Variants in CDH10 observed in about 807,000 individuals in gnomAD.
CDH10 encodes cadherin 10.
In CDH10, 30 loss-of-function variants were observed where a neutral mutation model predicts 73.1. The observed-to-expected ratio is 0.41, with a 90% CI of 0.31 to 0.56. The LOEUF is 0.56. Ranked by LOEUF, CDH10 falls within the 20% of genes least tolerant of loss-of-function variation. The pLI, the probability that CDH10 is intolerant of heterozygous loss-of-function variation, is 0.27. For missense variants in CDH10, 815 were observed against 973.7 expected (o/e 0.84, Z 2.17); for synonymous variants, 345 against 348.2 (o/e 0.99, Z 0.10).
At chr5:24,641,895 T>A (rs981275548) in intron 1 of CDH10, among the ~76,000 whole-genome samples, 1 of 152,108 alleles carries the variant, frequency 6.6e-6, no homozygotes, top group African/African-American at 2.4e-5. Context: ...ACCTGAAATT[T>A]AGAGATCAAA....
chr5:24,618,343 T>C (rs1164993602), intron 1 of CDH10, among the ~76,000 whole-genome samples: 2 of 152,204 alleles, frequency 1.3e-5, no homozygotes, highest in Non-Finnish European at 2.9e-5. Flanking sequence ...GAGTAAATCA[T>C]GTAAAGGTGA....
chr5:24,609,826 C>T (rs1369977159), intron 1 of CDH10: 1 of 152,224 alleles, frequency 6.6e-6, no homozygotes, highest in East Asian at 1.9e-4. Flanking sequence ...CTCCTAATTC[C>T]CCACTAGCTG....
chr5:24,526,353 A>G (rs1743529915), intron 5 of CDH10, among the ~76,000 whole-genome samples: 1 of 151,930 alleles, frequency 6.6e-6, no homozygotes, highest in African/African-American at 2.4e-5. Flanking sequence ...TTCATCACAG[A>G]CGGAAAATGT....
intron 1 of CDH10, among the ~76,000 whole-genome samples, chr5:24,636,202 A>T (rs1375068702): frequency 3.9e-5 from 6 of 151,940 alleles, no homozygotes; most frequent in Non-Finnish European, 8.8e-5. Flanking sequence ...CAATTGTCCT[A>T]TGATGTAAGT....
rs747664831 is a variant in CDH10 at position 24,635,167 on chromosome 5, G to A, written c.-124+9427C>T. The stretch of plus-strand genomic sequence containing the variant: ...TTTCAGGGACCTCGTCTAGGTAATC[G>A]GTAGTCCACTGACCTTTCAGCTTGT... On this transcript the variant is annotated intron_variant, in intron 1 of 11. Transcript: ENST00000264463. Among the ~76,000 whole-genome samples the A allele has an allele frequency of 4.3e-4, 65 of 151,874 alleles. 1 individual carries two copies. The highest frequency in any genetic ancestry group is 3.4e-3 in the Middle Eastern group (1 of 294).
chr5:24,497,838 T>C (rs569239374), intron 9 of CDH10, among the ~76,000 whole-genome samples: 2 of 152,262 alleles, frequency 1.3e-5, no homozygotes, highest in South Asian at 2.1e-4. Flanking sequence ...TAAACAAAGC[T>C]GATGCAGAAA....
intron 5 of CDH10, among the ~76,000 whole-genome samples, chr5:24,527,352 T>C (rs1743572681): frequency 6.7e-6 from 1 of 148,538 alleles, no homozygotes; most frequent in African/African-American, 2.4e-5. Flanking sequence ...AATATACTTA[T>C]ATTTATACAT....
At chr5:24,535,080 G>T (rs2111875361) in intron 5 of CDH10, 32 bp downstream of exon 5, 28 of 1,490,384 alleles carry the variant, frequency 1.9e-5, no homozygotes, top group East Asian at 5.0e-5. Flanking sequence ...TAAATCTTTT[G>T]CCCGGCAGAA....
At chr5:24,503,921 A>G (rs2111716744) in intron 8 of CDH10, among the ~76,000 whole-genome samples, 1 of 152,308 alleles carries the variant, frequency 6.6e-6, no homozygotes, top group Non-Finnish European at 1.5e-5. Context: ...GCTTGTTCAT[A>G]AGATTAAATG....
intron 2 of CDH10, among the ~76,000 whole-genome samples, chr5:24,563,179 T>C (rs12110021): frequency 0.83 from 125,601 of 151,704 alleles, 52,030 homozygotes; most frequent in East Asian, 0.91. Context: ...CCTTCCTAAA[T>C]TTGAAGATTT....
chr5:24,538,049 A>C (rs570122592), intron 2 of CDH10, among the ~76,000 whole-genome samples: 9 of 151,964 alleles, frequency 5.9e-5, no homozygotes, highest in Admixed American at 5.9e-4. Flanking sequence ...AGATTATTTT[A>C]TTCTTAAATG....
chr5:24,633,759 G>A (rs1747778332), intron 1 of CDH10, among the ~76,000 whole-genome samples: 2 of 151,662 alleles, frequency 1.3e-5, no homozygotes, highest in South Asian at 4.2e-4. Context: ...AACATTAAAT[G>A]GCATTCATTT....
intron 2 of CDH10, among the ~76,000 whole-genome samples, chr5:24,558,179 T>A (rs1744830112): frequency 7.3e-6 from 1 of 137,150 alleles, no homozygotes. Flanking sequence ...ATCCTGTAAA[T>A]AATGTTGAGA....
At chr5:24,500,066 G>A (rs1561124890) in intron 8 of CDH10, among the ~76,000 whole-genome samples, 1 of 152,092 alleles carries the variant, frequency 6.6e-6, no homozygotes. Flanking sequence ...CAACCAACAT[G>A]GGCTGTGGAT....
At chr5:24,585,508 C>T (rs1261902971) in intron 2 of CDH10, among the ~76,000 whole-genome samples, 1 of 152,076 alleles carries the variant, frequency 6.6e-6, no homozygotes, top group Admixed American at 6.5e-5. Context: ...CTGCAACCTC[C>T]GCCTCCCAGG....
At chr5:24,490,221 T>A (rs938081139) in intron 11 of CDH10, among the ~76,000 whole-genome samples, 1 of 152,082 alleles carries the variant, frequency 6.6e-6, no homozygotes, top group Admixed American at 6.6e-5. Context: ...AAATAAATAT[T>A]TATATTATTC....
At position 24,487,637 on chromosome 5, in the gene CDH10, T is replaced by C. The variant is rs2111597256; in HGVS notation, c.*26A>G. On this transcript the variant is annotated 3_prime_UTR_variant, in exon 12 of 12. Coordinates refer to ENST00000264463, the MANE Select transcript of CDH10 (RefSeq NM_006727.5). ...CAGCATGGGTAGAGTTACTTTCTCT[T>C]GTTTGAACAGAACATATATCCTACG... 6.3e-7 allele frequency: 1 copy of C among 1,579,474 alleles called. No individual in the cohort carries two copies. Among genetic ancestry groups the C allele is most frequent in the Non-Finnish European group, 8.6e-7 (1 of 1,161,376 alleles).
chr5:24,536,161 C>A lies in CDH10; in HGVS notation c.527-339G>T, dbSNP rs1743947191. Among the ~76,000 whole-genome samples the A allele has an allele frequency of 2.0e-5, 3 of 152,030 alleles. No individual in the cohort carries two copies. In the South Asian group the frequency reaches 6.2e-4, roughly 31 times the overall value. ...GATTTGTTTTGTGTAAAGGGCATATCTAATCACACAGGAGTAAGTATGTTC... is the reference window on the plus strand; with the variant it reads ...GATTTGTTTTGTGTAAAGGGCATATATAATCACACAGGAGTAAGTATGTTC... On this transcript the variant is annotated intron_variant, in intron 3 of 11. Transcript: ENST00000264463.
At position 24,586,843 on chromosome 5, in the gene CDH10, C is replaced by CTTTTTTTTTTT. The variant is rs1001227038; in HGVS notation, c.231+6406_231+6416dup. Among the ~76,000 whole-genome samples the CTTTTTTTTTTT allele has an allele frequency of 5.4e-4, 55 of 102,754 alleles. 2 individuals carry two copies. Among genetic ancestry groups the CTTTTTTTTTTT allele is most frequent in the African/African-American group, 1.5e-3 (36 of 23,782 alleles). The allele number at this position is 102,754 out of a possible 152,430, so 67.4% of individuals were successfully genotyped here. On this transcript the variant is annotated intron_variant, in intron 2 of 11. Coordinates refer to ENST00000264463, the MANE Select transcript of CDH10 (RefSeq NM_006727.5). ...GTAAAACAATAAGATAGCCCATATT[C>CTTTTTTTTTTT]TTTTTTTTTTTTTTTTTTTGAGCCG...
Sources: gnomAD v4.1 joint callset for allele counts (sites outside exome capture counted in the v4.1 genomes callset) on GRCh38, gnomAD v4.1.1 for gene constraint, MANE v1.5 for transcripts, NCBI Gene and HGNC (gene_info 2026-07-23, HGNC 2026-07-21) for gene names.